The following QTMAN variants were observed in gnomAD, a reference collection of about 807,000 sequenced individuals.
QTMAN encodes tRNA-queuosine alpha-mannosyltransferase.
the QTMAN span, among the ~76,000 whole-genome samples, chr2:143,950,058 G>A: frequency 6.6e-6 from 1 of 151,726 alleles, no homozygotes; most frequent in African/African-American, 2.4e-5. Context: ...ATGTGAAAAT[G>A]TGTTACAGAT....
the QTMAN span, among the ~76,000 whole-genome samples, chr2:144,163,746 T>C: frequency 1.1e-4 from 17 of 152,294 alleles, no homozygotes; most frequent in African/African-American, 3.8e-4. Flanking sequence ...GATACACTAT[T>C]TAACAACTGC....
chr2:144,135,914 A>G, the QTMAN span, among the ~76,000 whole-genome samples: 3 of 152,214 alleles, frequency 2.0e-5, no homozygotes, highest in Non-Finnish European at 4.4e-5. Context: ...TTGTAAAGAT[A>G]TTAAATGATA....
chr2:144,002,371 G>A, the QTMAN span, among the ~76,000 whole-genome samples: 1 of 151,808 alleles, frequency 6.6e-6, no homozygotes, highest in African/African-American at 2.4e-5. Flanking sequence ...AAGAACAACT[G>A]ACAGATAAAC....
At chr2:143,952,969 C>T in the QTMAN span, 10 of 638,604 alleles carry the variant, frequency 1.6e-5, no homozygotes, top group Middle Eastern at 3.0e-4. Flanking sequence ...AAAACATGGT[C>T]GGCAGTATAA....
At chr2:144,243,090 G>A in the QTMAN span, among the ~76,000 whole-genome samples, 2 of 151,764 alleles carry the variant, frequency 1.3e-5, no homozygotes, top group Admixed American at 6.6e-5. Context: ...AAAAAAGGCA[G>A]GCAAACATAA....
chr2:144,050,009 G>A, the QTMAN span, among the ~76,000 whole-genome samples: 1 of 152,106 alleles, frequency 6.6e-6, no homozygotes, highest in Non-Finnish European at 1.5e-5. Context: ...TCTTCCGGAA[G>A]CCCACAATCT....
chr2:143,981,585 T>A, the QTMAN span, among the ~76,000 whole-genome samples: 1 of 152,202 alleles, frequency 6.6e-6, no homozygotes, highest in African/African-American at 2.4e-5. Flanking sequence ...TAATAAGAAA[T>A]CCCTCCAACG....
chr2:144,044,328 T>G, the QTMAN span, among the ~76,000 whole-genome samples: 92 of 152,336 alleles, frequency 6.0e-4, no homozygotes, highest in African/African-American at 2.1e-3. Flanking sequence ...TCTAATATTA[T>G]TAGAATAAAA....
chr2:144,294,940 T>C, the QTMAN span, among the ~76,000 whole-genome samples: 3 of 152,158 alleles, frequency 2.0e-5, no homozygotes, highest in African/African-American at 7.2e-5. Flanking sequence ...AAGGACCAAA[T>C]GGGAAAAATG....
At chr2:144,126,920 G>A in the QTMAN span, among the ~76,000 whole-genome samples, 1 of 152,018 alleles carries the variant, frequency 6.6e-6, no homozygotes, top group Non-Finnish European at 1.5e-5. Context: ...CCCGACACAA[G>A]TTAGCTCTGG....
chr2:144,272,222 C>A, the QTMAN span, among the ~76,000 whole-genome samples: 10 of 152,222 alleles, frequency 6.6e-5, no homozygotes, highest in South Asian at 2.1e-4. Flanking sequence ...TCTTCCCCAT[C>A]TATCAAACTC....
At chr2:144,136,926 C>A in the QTMAN span, among the ~76,000 whole-genome samples, 1 of 152,076 alleles carries the variant, frequency 6.6e-6, no homozygotes, top group African/African-American at 2.4e-5. Flanking sequence ...ATCTTGCAGG[C>A]CTGGAAGCCT....
At chr2:144,050,304 C>T in the QTMAN span, among the ~76,000 whole-genome samples, 1 of 151,402 alleles carries the variant, frequency 6.6e-6, no homozygotes, top group African/African-American at 2.4e-5. Context: ...CAAAGGGCAG[C>T]GGCAGGAACG....
the QTMAN span, among the ~76,000 whole-genome samples, chr2:144,084,386 A>G: frequency 6.6e-6 from 1 of 152,262 alleles, no homozygotes; most frequent in Non-Finnish European, 1.5e-5. Flanking sequence ...AGGCTCTTCC[A>G]ATACAGAATT....
the QTMAN span, among the ~76,000 whole-genome samples, chr2:143,989,972 T>C: frequency 6.6e-6 from 1 of 152,160 alleles, no homozygotes; most frequent in Non-Finnish European, 1.5e-5. Context: ...GTGTTGCAAA[T>C]CTTACAAAAC....
At chr2:144,116,664 A>T in the QTMAN span, among the ~76,000 whole-genome samples, 8 of 152,180 alleles carry the variant, frequency 5.3e-5, no homozygotes, top group Non-Finnish European at 1.2e-4. Flanking sequence ...ATGCAAGAGA[A>T]ATATACTCGA....
chr2:143,945,269 G>A, the QTMAN span: 1 of 152,184 alleles, frequency 6.6e-6, no homozygotes, highest in Non-Finnish European at 1.5e-5. Context: ...TAGACTGGAA[G>A]GAACTTCCAA....
At chr2:144,174,585 A>C in the QTMAN span, among the ~76,000 whole-genome samples, 1 of 152,154 alleles carries the variant, frequency 6.6e-6, no homozygotes, top group African/African-American at 2.4e-5. Context: ...TTCATCTTCA[A>C]TTGTAGCTCC....
chr2:143,958,400 A>G, the QTMAN span, among the ~76,000 whole-genome samples: 2 of 152,110 alleles, frequency 1.3e-5, no homozygotes, highest in African/African-American at 4.8e-5. Flanking sequence ...CAAAGTTTTC[A>G]AGATATGAAA....
Sources: allele counts gnomAD v4.1 joint callset (sites outside exome capture counted in the v4.1 genomes callset), GRCh38; gene constraint gnomAD v4.1.1; transcripts MANE v1.5; gene names NCBI Gene and HGNC (gene_info 2026-07-23, HGNC 2026-07-21).